The following CAPRIN1 variants were observed in gnomAD, a reference collection of about 807,000 sequenced individuals.
CAPRIN1 encodes caprin-1.
A neutral mutation model predicts 100.9 loss-of-function variants in CAPRIN1; 29 were observed. That is an observed-to-expected ratio of 0.29 (90% confidence interval 0.21 to 0.39). The LOEUF is 0.39. Among genes scored for constraint, CAPRIN1 ranks in the 10% least tolerant of loss-of-function variants. CAPRIN1 has a pLI of 1.00. For missense variants in CAPRIN1, 795 were observed against 876.7 expected, an observed-to-expected ratio of 0.91 and a Z score of 1.18; for synonymous variants, 338 against 307.5, an observed-to-expected ratio of 1.10 and a Z score of -1.04.
At chr11:34,096,906 A>G (rs542722828) in intron 16 of CAPRIN1, among the ~76,000 whole-genome samples, 16 of 152,318 alleles carry the variant, frequency 1.1e-4, no homozygotes, top group Admixed American at 6.5e-4. Flanking sequence ...GTCTACCACT[A>G]TCTCCTGGAG....
At chr11:34,069,003 T>C (rs951013981) in intron 2 of CAPRIN1, among the ~76,000 whole-genome samples, 2 of 152,194 alleles carry the variant, frequency 1.3e-5, no homozygotes, top group African/African-American at 4.8e-5. Context: ...GTGTTTCTTT[T>C]GTTCAGTAAT....
Position 34,100,528 on chromosome 11 carries a change from T to TA in CAPRIN1, c.*1161_*1162insA, listed in dbSNP as rs1225718219. On this transcript the variant is annotated 3_prime_UTR_variant, in exon 19 of 19. Transcript: ENST00000341394. ...AAGTTGTATCTTGAAACACTGGTGT[T>TA]CAACAGCTAGCAGCTTATGTGATTC... is the stretch of plus-strand genomic sequence containing the variant. 1 of 152,192 alleles carries TA rather than the reference T, an allele frequency of 6.6e-6. No individual in the cohort carries two copies. 9.4% of individuals were successfully genotyped at this position (152,192 alleles called of 1,614,324 possible).
At chr11:34,082,669 A>G (rs549456404) in intron 7 of CAPRIN1, among the ~76,000 whole-genome samples, 156 bp from the exon 8 acceptor site, 1 of 152,286 alleles carries the variant, frequency 6.6e-6, no homozygotes, top group African/African-American at 2.4e-5. Flanking sequence ...TTATCACCCA[A>G]AGTCCATAGT....
At chr11:34,094,537 G>A (rs1458743005) in intron 15 of CAPRIN1, among the ~76,000 whole-genome samples, 1 of 151,744 alleles carries the variant, frequency 6.6e-6, no homozygotes, top group Non-Finnish European at 1.5e-5. Flanking sequence ...AAGGCTGGGT[G>A]TGGTGGCTCA....
chr11:34,077,853 G>T (rs1181524855), intron 6 of CAPRIN1, among the ~76,000 whole-genome samples: 1 of 152,016 alleles, frequency 6.6e-6, no homozygotes, highest in Non-Finnish European at 1.5e-5. Flanking sequence ...ATTTACTCTG[G>T]TCTGTATTTC....
intron 15 of CAPRIN1, 75 bp from the exon 16 acceptor site, chr11:34,096,404 A>G: frequency 9.2e-7 from 1 of 1,089,108 alleles, no homozygotes; most frequent in Non-Finnish European, 1.4e-6. Flanking sequence ...GACACTTCTT[A>G]AACTAGAAAG....
intron 2 of CAPRIN1, among the ~76,000 whole-genome samples, chr11:34,070,077 G>A (rs2134101757): frequency 6.6e-6 from 1 of 150,510 alleles, no homozygotes; most frequent in South Asian, 2.1e-4. Flanking sequence ...TTGGGATTAA[G>A]TGTTGTCCTG....
At chr11:34,052,965 T>C (rs1286175697) in intron 2 of CAPRIN1, 2 of 1,128,530 alleles carry the variant, frequency 1.8e-6, no homozygotes, top group Non-Finnish European at 1.1e-6. Context: ...CTTCACTGTA[T>C]GGTGCCCTTC....
chr11:34,055,701 A>G (rs1182106230), intron 2 of CAPRIN1: 1 of 152,196 alleles, frequency 6.6e-6, no homozygotes, highest in Non-Finnish European at 1.5e-5. Flanking sequence ...ATACTGAAAG[A>G]TTGCCGTGTT....
Position 34,052,635 on chromosome 11 carries a change from A to G in CAPRIN1, c.215A>G (p.Lys72Arg). 2 of 1,604,674 alleles carry G rather than the reference A, an allele frequency of 1.2e-6. No individual in the cohort carries two copies. The highest frequency in any genetic ancestry group is 1.7e-6 in the Non-Finnish European group (2 of 1,176,004). ...AAACTTCGGAACCTGGAGAAGAAAA[A>G]GGTGCCAGGAGTTGGCGGGGAAGGG... ...DKKLRNLEKK[K>R]GKLDDYQERM... is the part of the protein sequence containing the mutation. Residue 72 changes from lysine (K) to arginine (R), a missense_variant and splice_region_variant, in exon 2 of 19, where the codon AAG becomes AGG. Lys to Arg is a conservative substitution (Grantham distance 26). This residue lies in a region of CAPRIN1 where 38 missense variants were observed against 92.3 expected (regional missense o/e 0.41). Coordinates refer to ENST00000341394, the MANE Select transcript of CAPRIN1 (RefSeq NM_005898.5).
At chr11:34,063,754 A>G (rs1850628777) in intron 2 of CAPRIN1, among the ~76,000 whole-genome samples, 1 of 152,206 alleles carries the variant, frequency 6.6e-6, no homozygotes, top group Non-Finnish European at 1.5e-5. Flanking sequence ...AGGATCTAAG[A>G]GGGCAGGTGT....
Position 34,076,563 on chromosome 11 carries a change from G to A in CAPRIN1, c.609G>A (p.Leu203=). ...VDPERDMSLR[L]NEQYEHASIH... is the part of the protein sequence containing the mutation. The stretch of plus-strand genomic sequence containing the variant: ...ATTAGCTATTTACTATTAAAAGGTT[G>A]AATGAACAGTATGAACATGCCTCCA... The change falls in exon 6 of 19, where the codon TTG becomes TTA. Residue 203 remains leucine, a synonymous_variant. Coordinates refer to ENST00000341394, the MANE Select transcript of CAPRIN1 (RefSeq NM_005898.5). 6.2e-7 allele frequency: 1 copy of A among 1,613,654 alleles called. No individual in the cohort carries two copies. The highest frequency in any genetic ancestry group is 2.2e-5 in the East Asian group (1 of 44,886).
intron 2 of CAPRIN1, among the ~76,000 whole-genome samples, chr11:34,066,931 ATTT>A (rs35440557): frequency 8.4e-4 from 110 of 130,904 alleles, no homozygotes; most frequent in African/African-American, 3.0e-3. Context: ...CACACCCAGC[ATTT>A]TTTTTTTTTT....
At chr11:34,088,455 G>A (rs1164223533) in intron 11 of CAPRIN1, among the ~76,000 whole-genome samples, 1 of 152,108 alleles carries the variant, frequency 6.6e-6, no homozygotes, top group African/African-American at 2.4e-5. Flanking sequence ...GAGCCCAGGA[G>A]TTTGAGACCA....
At chr11:34,089,104 A>T (rs930880813) in intron 11 of CAPRIN1, among the ~76,000 whole-genome samples, 1 of 151,766 alleles carries the variant, frequency 6.6e-6, no homozygotes, top group African/African-American at 2.4e-5. Flanking sequence ...CCCTGTCTCT[A>T]CTAAAAATAC....
intron 2 of CAPRIN1, among the ~76,000 whole-genome samples, chr11:34,054,652 C>A (rs918176550): frequency 1.2e-4 from 18 of 152,134 alleles, no homozygotes; most frequent in Non-Finnish European, 2.5e-4. Flanking sequence ...TTGTCTCGAT[C>A]TCTTGACCTC....
At chr11:34,066,482 C>T (rs1344513915) in intron 2 of CAPRIN1, among the ~76,000 whole-genome samples, 3 of 150,002 alleles carry the variant, frequency 2.0e-5, no homozygotes, top group Non-Finnish European at 3.0e-5. Context: ...TACAGGTGGC[C>T]GCCTCCATAC....
intron 15 of CAPRIN1, chr11:34,096,229 A>T: frequency 6.0e-6 from 2 of 330,984 alleles, no homozygotes; most frequent in Non-Finnish European, 1.1e-5. Context: ...GTTTGGAAGG[A>T]TCAATCATGC....
At chr11:34,073,018 C>A (rs1363124042) in intron 4 of CAPRIN1, among the ~76,000 whole-genome samples, 2 of 152,168 alleles carry the variant, frequency 1.3e-5, no homozygotes, top group African/African-American at 4.8e-5. Context: ...ACTATCTAGG[C>A]CGTGTAAGTA....
Sources: gnomAD v4.1 joint callset for allele counts (sites outside exome capture counted in the v4.1 genomes callset) on GRCh38, gnomAD v4.1.1 for gene constraint, gnomAD v4.1.1 regional missense constraint, MANE v1.5 for transcripts, NCBI Gene and HGNC (gene_info 2026-07-23, HGNC 2026-07-21) for gene names.